ZMIZ1: variants seen among roughly 807,000 people sequenced by gnomAD.
The protein encoded by ZMIZ1 is zinc finger MIZ domain-containing protein 1.
A neutral mutation model predicts 113.9 loss-of-function variants in ZMIZ1; 17 were observed. That is an observed-to-expected ratio of 0.15 (90% confidence interval 0.10 to 0.22). ZMIZ1 has a LOEUF of 0.22. ZMIZ1 is among the 10% of genes least tolerant of loss of function. The pLI, the probability that ZMIZ1 is intolerant of heterozygous loss-of-function variation, is 1.00. For missense variants in ZMIZ1, 1,059 were observed against 1,477.8 expected (o/e 0.72, Z 4.65); for synonymous variants, 607 against 603.1 (o/e 1.01, Z -0.09).
chr10:79,304,398 C>T (rs35099699), intron 19 of ZMIZ1, among the ~76,000 whole-genome samples: 6,024 of 152,326 alleles, frequency 0.04, 202 homozygotes, highest in African/African-American at 0.085. Context: ...TTCGGACAGC[C>T]CCTGCCCTGG....
chr10:79,162,737 A>C (rs1490777710), intron 4 of ZMIZ1, among the ~76,000 whole-genome samples: 1 of 152,288 alleles, frequency 6.6e-6, no homozygotes, highest in African/African-American at 2.4e-5. Flanking sequence ...GACTAGGGAC[A>C]TGTCAGTCCT....
chr10:79,205,501 CAG>C (rs906660494), intron 5 of ZMIZ1, among the ~76,000 whole-genome samples: 22 of 152,338 alleles, frequency 1.4e-4, no homozygotes, highest in African/African-American at 4.8e-4. Context: ...AAAAGAGAAA[CAG>C]AGAACCGTGG....
At chr10:79,243,075 G>C (rs1227786663) in intron 7 of ZMIZ1, among the ~76,000 whole-genome samples, 1 of 151,316 alleles carries the variant, frequency 6.6e-6, no homozygotes, top group East Asian at 2.0e-4. Flanking sequence ...AGGCAGGTCT[G>C]CTCGCCTTTC....
chr10:79,109,434 A>G (rs1843664078), intron 1 of ZMIZ1, among the ~76,000 whole-genome samples: 3 of 152,204 alleles, frequency 2.0e-5, no homozygotes, highest in Non-Finnish European at 4.4e-5. Context: ...ACTCTCTGTC[A>G]TCGTAAATGA....
At chr10:79,132,253 G>C (rs573991038) in intron 2 of ZMIZ1, among the ~76,000 whole-genome samples, 1 of 152,126 alleles carries the variant, frequency 6.6e-6, no homozygotes, top group South Asian at 2.1e-4. Context: ...GAGAGGGAAG[G>C]GCTGCTTGTC....
intron 5 of ZMIZ1, 64 bp downstream of exon 5, chr10:79,201,756 A>C: frequency 1.3e-6 from 2 of 1,581,228 alleles, no homozygotes; most frequent in Non-Finnish European, 1.7e-6. Flanking sequence ...GCAGCAGGGC[A>C]TCTGGTGGGT....
intron 7 of ZMIZ1, among the ~76,000 whole-genome samples, chr10:79,273,314 G>T (rs1477042233): frequency 6.6e-6 from 1 of 151,950 alleles, no homozygotes; most frequent in Non-Finnish European, 1.5e-5. Context: ...CTGAACCTCT[G>T]CTCCCAACAG....
intron 3 of ZMIZ1, among the ~76,000 whole-genome samples, chr10:79,161,378 G>C (rs1429130991): frequency 6.6e-6 from 1 of 152,080 alleles, no homozygotes; most frequent in Non-Finnish European, 1.5e-5. Flanking sequence ...CTGGCCCCTG[G>C]TCTCCACTCA....
chr10:79,154,827 T>C (rs1648284654), intron 3 of ZMIZ1, among the ~76,000 whole-genome samples: 1 of 152,190 alleles, frequency 6.6e-6, no homozygotes, highest in Non-Finnish European at 1.5e-5. Context: ...GCCATGGGTC[T>C]TTCTCTATCT....
intron 7 of ZMIZ1, among the ~76,000 whole-genome samples, chr10:79,243,300 C>A (rs1328980707): frequency 6.7e-6 from 1 of 150,306 alleles, no homozygotes; most frequent in African/African-American, 2.4e-5. Flanking sequence ...CCATCCCCGT[C>A]CCTGGAGAGC....
At chr10:79,286,856 C>G (rs750715590) in intron 8 of ZMIZ1, among the ~76,000 whole-genome samples, 8 of 152,240 alleles carry the variant, frequency 5.3e-5, no homozygotes, top group Non-Finnish European at 1.0e-4. Flanking sequence ...AGGGCCCTGC[C>G]GGCCCCTGGG....
intron 1 of ZMIZ1, among the ~76,000 whole-genome samples, chr10:79,104,501 C>G (rs373980928): frequency 6.6e-6 from 1 of 152,308 alleles, no homozygotes. Context: ...GTACAATAGA[C>G]GTCACTGAGC....
chr10:79,305,355 C>G, intron 20 of ZMIZ1, 124 bp downstream of exon 20: 1 of 1,283,110 alleles, frequency 7.8e-7, no homozygotes, highest in Non-Finnish European at 1.1e-6. Flanking sequence ...CAGAGGGGCT[C>G]AGGTTATGGG....
intron 1 of ZMIZ1, among the ~76,000 whole-genome samples, chr10:79,074,272 G>A (rs1325207695): frequency 6.6e-6 from 1 of 152,214 alleles, no homozygotes; most frequent in Non-Finnish European, 1.5e-5. Flanking sequence ...TCCACTGAGT[G>A]AGCGCTCCAG....
At chr10:79,243,773 G>T in intron 7 of ZMIZ1, 1 of 232,486 alleles carries the variant, frequency 4.3e-6, no homozygotes, top group South Asian at 3.4e-5. Flanking sequence ...GCGCCTGGGC[G>T]CCCACGGGCC....
chr10:79,303,957 C>T (rs964757392), intron 18 of ZMIZ1, 58 bp from the exon 19 acceptor site: 3 of 1,606,346 alleles, frequency 1.9e-6, no homozygotes, highest in Non-Finnish European at 2.5e-6. Flanking sequence ...CGTGCAGACC[C>T]CCTACCTCTG....
chr10:79,081,381 T>G (rs765512929), intron 1 of ZMIZ1, among the ~76,000 whole-genome samples: 17 of 152,244 alleles, frequency 1.1e-4, no homozygotes, highest in Non-Finnish European at 2.2e-4. Flanking sequence ...AGACCTGACC[T>G]GAAAATAGCT....
chr10:79,253,958 G>A (rs1373850298), intron 7 of ZMIZ1, among the ~76,000 whole-genome samples: 4 of 152,144 alleles, frequency 2.6e-5, no homozygotes, highest in African/African-American at 9.7e-5. Context: ...CACCCTTGGG[G>A]TTTTCCTCTC....
intron 8 of ZMIZ1, among the ~76,000 whole-genome samples, chr10:79,284,939 G>T (rs1392907491): frequency 6.6e-6 from 1 of 152,206 alleles, no homozygotes; most frequent in African/African-American, 2.4e-5. Context: ...CTCTGCAGCT[G>T]GGCTTTGAGG....
Sources: allele counts gnomAD v4.1 joint callset (sites outside exome capture counted in the v4.1 genomes callset), GRCh38; gene constraint gnomAD v4.1.1; transcripts MANE v1.5; gene names NCBI Gene and HGNC (gene_info 2026-07-23, HGNC 2026-07-21).